Variants in N4BP1 observed in about 807,000 individuals in gnomAD.
The protein encoded by N4BP1 is NEDD4-binding protein 1.
N4BP1 carries 21 observed loss-of-function variants against 70.9 expected under a neutral mutation model. The observed-to-expected ratio is 0.30, with a 90% confidence interval of 0.21 to 0.43. N4BP1 has a LOEUF of 0.43. Among genes scored for constraint, N4BP1 ranks in the 20% least tolerant of loss-of-function variants. N4BP1 has a pLI of 1.00. For missense variants in N4BP1, 936 were observed against 1,069.4 expected, an observed-to-expected ratio of 0.88 and a Z score of 1.74; for synonymous variants, 387 against 394.6, an observed-to-expected ratio of 0.98 and a Z score of 0.23.
intron 1 of N4BP1, among the ~76,000 whole-genome samples, chr16:48,606,269 C>T (rs149799370): frequency 9.5e-4 from 145 of 152,310 alleles, no homozygotes; most frequent in African/African-American, 3.2e-3. Context: ...CTGTAAAAAC[C>T]TTACCACCCC....
chr16:48,562,927 T>G (rs898675277), intron 1 of N4BP1, among the ~76,000 whole-genome samples: 6 of 151,662 alleles, frequency 4.0e-5, no homozygotes, highest in Admixed American at 3.9e-4. Context: ...TAACATTAAT[T>G]TTTTTTTTCA....
chr16:48,592,542 T>C (rs1964353653), intron 1 of N4BP1, among the ~76,000 whole-genome samples: 1 of 152,188 alleles, frequency 6.6e-6, no homozygotes, highest in Non-Finnish European at 1.5e-5. Flanking sequence ...TGTGTATGTG[T>C]TGTGTGTGAT....
intron 4 of N4BP1, among the ~76,000 whole-genome samples, chr16:48,548,837 CA>C (rs34869645): frequency 0.043 from 3,071 of 71,718 alleles, 39 homozygotes; most frequent in African/African-American, 0.073. Context: ...GAGACTGCTT[CA>C]AAAAAAAAAA....
intron 1 of N4BP1, among the ~76,000 whole-genome samples, chr16:48,568,886 G>A (rs1041708527): frequency 6.6e-6 from 1 of 152,154 alleles, no homozygotes; most frequent in African/African-American, 2.4e-5. Context: ...GGTTTATTCT[G>A]GTTGTGTTCC....
intron 1 of N4BP1, chr16:48,578,189 G>A (rs992740700): frequency 4.0e-5 from 7 of 174,328 alleles, no homozygotes; most frequent in African/African-American, 1.2e-4. Flanking sequence ...TCATGTTCTT[G>A]ACCAGGTGGC....
At chr16:48,601,615 A>G (rs1408218417) in intron 1 of N4BP1, among the ~76,000 whole-genome samples, 1 of 152,216 alleles carries the variant, frequency 6.6e-6, no homozygotes, top group East Asian at 1.9e-4. Context: ...TACAGCTCTT[A>G]TTTATCAAGT....
In N4BP1 at chr16:48,598,541, G is replaced by T. The variant is rs77465256; in HGVS notation, c.198+11234C>A. 2.0e-5 allele frequency among the ~76,000 whole-genome samples: 3 copies of T among 152,236 alleles called. No homozygotes were observed. The East Asian group carries it at 5.8e-4, about 29-fold the overall frequency. ...ACGGCATGAATAAAATGAAATTAATGAGACTAAAAGATTTTAATACAACAC... is the reference window on the plus strand; with the variant it reads ...ACGGCATGAATAAAATGAAATTAATTAGACTAAAAGATTTTAATACAACAC... On this transcript the variant is annotated intron_variant, in intron 1 of 6. Coordinates refer to ENST00000262384, the MANE Select transcript of N4BP1 (RefSeq NM_153029.4).
At chr16:48,552,582 C>T (rs1323785113) in intron 3 of N4BP1, among the ~76,000 whole-genome samples, 1 of 151,314 alleles carries the variant, frequency 6.6e-6, no homozygotes, top group African/African-American at 2.4e-5. Flanking sequence ...CCTGCAGTCC[C>T]AGCTACTCGG....
At chr16:48,609,751 C>A (rs146139081) in intron 1 of N4BP1, 24 bp downstream of exon 1, 421 of 1,325,008 alleles carry the variant, frequency 3.2e-4, no homozygotes, top group Non-Finnish European at 3.9e-4. Flanking sequence ...GCCGCGGGCG[C>A]GCGGGGGCGG....
chr16:48,579,129 C>T (rs1964141334), intron 1 of N4BP1, among the ~76,000 whole-genome samples: 1 of 152,136 alleles, frequency 6.6e-6, no homozygotes, highest in African/African-American at 2.4e-5. Context: ...CACAGTACAG[C>T]CCCCACAACA....
intron 1 of N4BP1, among the ~76,000 whole-genome samples, chr16:48,606,256 T>C (rs1024425664): frequency 6.6e-6 from 1 of 152,090 alleles, no homozygotes; most frequent in Admixed American, 6.6e-5. Context: ...AGCTGCCCTG[T>C]CCCTGTAAAA....
intron 1 of N4BP1, among the ~76,000 whole-genome samples, chr16:48,603,414 A>C (rs760852404): frequency 9.2e-5 from 14 of 151,888 alleles, no homozygotes; most frequent in Non-Finnish European, 1.9e-4. Context: ...GCATCAACTG[A>C]TGGGCAGCTG....
In N4BP1 at chr16:48,600,236, C is replaced by A. The variant is rs528875288; in HGVS notation, c.198+9539G>T. On this transcript the variant is annotated intron_variant, in intron 1 of 6. Coordinates refer to ENST00000262384, the MANE Select transcript of N4BP1 (RefSeq NM_153029.4). ...ACGGCATGATGTTCATCCGCAACGA[C>A]TGAAAGGTGTTCAGATTTTGTAAAT... is the stretch of plus-strand genomic sequence containing the variant. 2.0e-5 allele frequency: 17 copies of A among 842,652 alleles called. No individual in the cohort carries two copies. The East Asian group carries it at 4.2e-4, about 21-fold the overall frequency. 52.2% of individuals were successfully genotyped at this position (842,652 alleles called of 1,614,324 possible).
At chr16:48,588,157 G>A (rs1049394484) in intron 1 of N4BP1, among the ~76,000 whole-genome samples, 9 of 151,996 alleles carry the variant, frequency 5.9e-5, no homozygotes, top group South Asian at 4.1e-4. Flanking sequence ...ATACAAAGAC[G>A]CTACTGTGTG....
chr16:48,550,267 C>T (rs1476616877), intron 4 of N4BP1, among the ~76,000 whole-genome samples: 1 of 152,064 alleles, frequency 6.6e-6, no homozygotes, highest in Non-Finnish European at 1.5e-5. Context: ...AATCCCAGCA[C>T]TTTGGGAGGC....
At chr16:48,595,151 A>G (rs1456790121) in intron 1 of N4BP1, among the ~76,000 whole-genome samples, 1 of 152,146 alleles carries the variant, frequency 6.6e-6, no homozygotes, top group Non-Finnish European at 1.5e-5. Context: ...TTTTGCTTAA[A>G]ATGTTGCTGA....
In N4BP1 at chr16:48,561,971, A is replaced by G. The variant is rs1963865642; in HGVS notation, c.672T>C (p.Asn224=). Residue 224 remains asparagine (N), a synonymous_variant, in exon 2 of 7, where the codon AAT becomes AAC. Coordinates refer to ENST00000262384, the MANE Select transcript of N4BP1 (RefSeq NM_153029.4). The part of the protein sequence containing the change: ...EFTQNAATGL[N]ISRDETVLQE... ...GCAAAACAGTTTCATCTCTAGAAATATTCAGCCCTGTGGCAGCATTCTGTG... is the reference window on the plus strand; with the variant it reads ...GCAAAACAGTTTCATCTCTAGAAATGTTCAGCCCTGTGGCAGCATTCTGTG... 7 of 1,613,976 alleles carry G rather than the reference A, an allele frequency of 4.3e-6. No individual in the cohort carries two copies. Among genetic ancestry groups the G allele is most frequent in the Non-Finnish European group, 5.9e-6 (7 of 1,179,880 alleles).
rs201779428 is a variant in N4BP1 at position 48,560,919 on chromosome 16, G to C, written c.1724C>G (p.Thr575Ser). 4.3e-6 allele frequency: 7 copies of C among 1,613,998 alleles called. No homozygotes were observed. In the Admixed American group the frequency reaches 5.0e-5, roughly 12 times the overall value. ...AGAAGGTCCTGCCGACCTTGCATCA[G>C]TAACCGAAGGTAACAGCTGGGGCAG... Reference protein sequence around the residue: ...MPLPQLLPSVTDARSAGPSDH... With the variant: ...MPLPQLLPSVSDARSAGPSDH... Residue 575 changes from threonine (T) to serine (S), a missense_variant, in exon 2 of 7, where the codon ACT (threonine) becomes AGT (serine). Physicochemically the swap from Thr to Ser is moderately conservative, Grantham distance 58. Coordinates refer to ENST00000262384, the MANE Select transcript of N4BP1 (RefSeq NM_153029.4).
chr16:48,561,827 A>T lies in N4BP1; in HGVS notation c.816T>A (p.Asp272Glu). The part of the protein sequence containing the change: ...LFDPINGLTP[D>E]EEALSNERIC... ...TTCTCTCATTGGAAAGTGCCTCTTCATCTGGGGTTAGACCATTTATTGGAT... is the reference window on the plus strand; with the variant it reads ...TTCTCTCATTGGAAAGTGCCTCTTCTTCTGGGGTTAGACCATTTATTGGAT... Residue 272 changes from aspartate (D) to glutamate (E), a missense_variant, in exon 2 of 7, where the codon GAT becomes GAA. Asp to Glu is a conservative substitution (Grantham distance 45, BLOSUM62 2). Around this residue, in one of 4 missense-constraint regions of N4BP1, gnomAD observed 515 missense variants for 491.7 expected, o/e 1.05. Coordinates refer to ENST00000262384, the MANE Select transcript of N4BP1 (RefSeq NM_153029.4). 6.2e-7 allele frequency: 1 copy of T among 1,613,820 alleles called. No individual in the cohort carries two copies. Among genetic ancestry groups the T allele is most frequent in the Non-Finnish European group, 8.5e-7 (1 of 1,179,882 alleles).
Sources: gnomAD v4.1 joint callset for allele counts (sites outside exome capture counted in the v4.1 genomes callset) on GRCh38, gnomAD v4.1.1 for gene constraint, gnomAD v4.1.1 regional missense constraint, MANE v1.5 for transcripts, NCBI Gene and HGNC (gene_info 2026-07-23, HGNC 2026-07-21) for gene names.